ATXN10: variants seen among roughly 807,000 people sequenced by gnomAD.
ATXN10 encodes the protein ataxin-10.
Under a neutral mutation model 52.9 loss-of-function variants are expected in ATXN10, and 28 were observed. The ratio of observed to expected loss-of-function variants is 0.53; its 90% CI spans 0.39 to 0.73. ATXN10 has a LOEUF of 0.73. Among genes scored for constraint, ATXN10 ranks in the 30% least tolerant of loss-of-function variants. ATXN10 has a pLI of 0.00. For synonymous variants in ATXN10, 226 were observed against 221.5 expected (o/e 1.02, Z -0.18); for missense variants, 565 against 577.0 (o/e 0.98, Z 0.21).
At chr22:45,796,893 G>A (rs1432406917) in intron 9 of ATXN10, among the ~76,000 whole-genome samples, 2 of 152,136 alleles carry the variant, frequency 1.3e-5, no homozygotes, top group Non-Finnish European at 2.9e-5. Flanking sequence ...GTGAAAGAAT[G>A]ATATACCATG....
At chr22:45,724,167 C>T (rs1184176812) in intron 6 of ATXN10, among the ~76,000 whole-genome samples, 3 of 151,678 alleles carry the variant, frequency 2.0e-5, no homozygotes, top group African/African-American at 7.3e-5. Flanking sequence ...GGTGTCTTTT[C>T]CTTTGGGTAG....
rs142328160 is a variant in ATXN10, at chr22:45,780,241, G to A, written c.1174-26718G>A. ...TGGGATTACAGGCGTGTGCCACCACGCCCAGCTAATTTTTGTATTTTTAGT... is the reference window on the plus strand; with the variant it reads ...TGGGATTACAGGCGTGTGCCACCACACCCAGCTAATTTTTGTATTTTTAGT... On this transcript the variant is annotated intron_variant, in intron 9 of 11. Coordinates refer to ENST00000252934, the MANE Select transcript of ATXN10 (RefSeq NM_013236.4). The surrounding 1 kb of genome is among the most constrained non-coding windows in gnomAD (Gnocchi z 4.0). 3.6e-3 allele frequency among the ~76,000 whole-genome samples: 545 copies of A among 152,218 alleles called. 4 individuals carry two copies. The highest frequency in any genetic ancestry group is 0.013 in the African/African-American group (528 of 41,538).
chr22:45,751,427 T>TGA (rs3077250), intron 9 of ATXN10, among the ~76,000 whole-genome samples: 80,216 of 148,006 alleles, frequency 0.54, 22,431 homozygotes, highest in East Asian at 0.72. Flanking sequence ...TGTGTGTTTT[T>TGA]GAGAGAGAGA....
intron 9 of ATXN10, among the ~76,000 whole-genome samples, chr22:45,779,099 C>G (rs1434151964): frequency 1.3e-5 from 2 of 152,158 alleles, no homozygotes; most frequent in African/African-American, 4.8e-5. Context: ...TTCTCTGTGA[C>G]CAGATTCCCC....
At chr22:45,764,260 G>T (rs1247156921) in intron 9 of ATXN10, among the ~76,000 whole-genome samples, 1 of 151,716 alleles carries the variant, frequency 6.6e-6, no homozygotes, top group South Asian at 2.1e-4. Flanking sequence ...TCCCACTCAG[G>T]CAAGCCTTGT....
At chr22:45,767,423 AT>A (rs1342443879) in intron 9 of ATXN10, among the ~76,000 whole-genome samples, 2 of 151,308 alleles carry the variant, frequency 1.3e-5, no homozygotes, top group East Asian at 3.9e-4. Context: ...ACACATATGT[AT>A]ATAAATATAC....
chr22:45,831,828 C>T (rs1352292722), intron 10 of ATXN10, among the ~76,000 whole-genome samples: 2 of 152,212 alleles, frequency 1.3e-5, no homozygotes, highest in Non-Finnish European at 2.9e-5. Context: ...TGTGAAGTCA[C>T]GTGCCTGATA....
intron 6 of ATXN10, among the ~76,000 whole-genome samples, chr22:45,721,650 A>G (rs1924655584): frequency 6.6e-6 from 1 of 152,194 alleles, no homozygotes. Flanking sequence ...TACTGCTACT[A>G]TGCTGATGAC....
intron 9 of ATXN10, among the ~76,000 whole-genome samples, chr22:45,801,227 T>G (rs1927921501): frequency 6.6e-6 from 1 of 152,210 alleles, no homozygotes; most frequent in Non-Finnish European, 1.5e-5. Flanking sequence ...TGCGCAGAAA[T>G]GCAGATTCAT....
chr22:45,828,791 C>G lies in ATXN10; in HGVS notation c.1238-14200C>G, dbSNP rs889203693. Among the ~76,000 whole-genome samples the G allele has an allele frequency of 6.6e-6, 1 of 152,084 alleles. No individual in the cohort carries two copies. The highest frequency in any genetic ancestry group is 2.4e-5 in the African/African-American group (1 of 41,394). On this transcript the variant is annotated intron_variant, in intron 10 of 11. Transcript: ENST00000252934. This position sits in a 1 kb window ranked among gnomAD's most constrained non-coding sequence, Gnocchi z 4.5. ...CAATGAAAAATCTCACAAAGAAAAG[C>G]CCTAAACCTGATGCCTTCACTGGTG...
Position 45,843,616 on chromosome 22 carries a change from T to C in ATXN10, c.1426-53T>C. ...GTTTTTTCCCCTTTTGTCTGATGAATCTTGTGAACAGATTTGCTACATCTG... is the reference window on the plus strand; with the variant it reads ...GTTTTTTCCCCTTTTGTCTGATGAACCTTGTGAACAGATTTGCTACATCTG... On this transcript the variant is annotated intron_variant, in intron 11 of 11. Coordinates refer to ENST00000252934, the MANE Select transcript of ATXN10 (RefSeq NM_013236.4). The surrounding 1 kb of genome is among the most constrained non-coding windows in gnomAD (Gnocchi z 4.5). 6.3e-7 allele frequency: 1 copy of C among 1,592,296 alleles called. No individual in the cohort carries two copies. Among genetic ancestry groups the C allele is most frequent in the Non-Finnish European group, 8.6e-7 (1 of 1,162,024 alleles).
At chr22:45,803,431 T>G (rs1927992293) in intron 9 of ATXN10, among the ~76,000 whole-genome samples, 1 of 152,222 alleles carries the variant, frequency 6.6e-6, no homozygotes, top group Admixed American at 6.5e-5. Context: ...GCCACTTCTT[T>G]AGGGAGGCCT....
rs1927137503 is a variant in ATXN10, at chr22:45,781,190, G to A, written c.1174-25769G>A. 6.6e-6 allele frequency among the ~76,000 whole-genome samples: 1 copy of A among 152,206 alleles called. No individual in the cohort carries two copies. The highest frequency in any genetic ancestry group is 2.1e-4 in the South Asian group (1 of 4,828). Reference sequence around the variant, plus strand: ...AATGGCTGAATGGGGAGCCGAAACAGAAACCTTCCCCTGGTTATAATGAGG... The same window carrying A: ...AATGGCTGAATGGGGAGCCGAAACAAAAACCTTCCCCTGGTTATAATGAGG... On this transcript the variant is annotated intron_variant, in intron 9 of 11. Coordinates refer to ENST00000252934, the MANE Select transcript of ATXN10 (RefSeq NM_013236.4). This position sits in a 1 kb window ranked among gnomAD's most constrained non-coding sequence, Gnocchi z 4.2.
chr22:45,799,307 G>T (rs543892725), intron 9 of ATXN10, among the ~76,000 whole-genome samples: 1 of 152,272 alleles, frequency 6.6e-6, no homozygotes, highest in East Asian at 1.9e-4. Flanking sequence ...TAGAATAGCT[G>T]TTATGGGTTG....
At position 45,766,815 on chromosome 22, in the gene ATXN10, A is replaced by G. The variant is rs765277204; in HGVS notation, c.1173+26277A>G. The stretch of plus-strand genomic sequence containing the variant: ...TAATACAAAGAGTTTCCAAAAATAA[A>G]GGAAAAAACCAATAGCCCTACAGAA... On this transcript the variant is annotated intron_variant, in intron 9 of 11. Coordinates refer to ENST00000252934, the MANE Select transcript of ATXN10 (RefSeq NM_013236.4). The surrounding 1 kb of genome is among the most constrained non-coding windows in gnomAD (Gnocchi z 4.6). 2.0e-5 allele frequency among the ~76,000 whole-genome samples: 3 copies of G among 152,254 alleles called. No individual in the cohort carries two copies. Among genetic ancestry groups the G allele is most frequent in the Non-Finnish European group, 4.4e-5 (3 of 68,044 alleles).
chr22:45,725,806 CAT>C (rs1924846767), intron 6 of ATXN10, among the ~76,000 whole-genome samples: 1 of 152,112 alleles, frequency 6.6e-6, no homozygotes, highest in Non-Finnish European at 1.5e-5. Flanking sequence ...ATGGGTTTGT[CAT>C]GTGTGGCTTT....
In ATXN10 at chr22:45,823,527, A is replaced by G. The variant is rs982753638; in HGVS notation, c.1237+16505A>G. ...GCTCTGCAGGACCGCCTTGTCATAA[A>G]TCATTGTCCTACAGGCATGATTCTG... On this transcript the variant is annotated intron_variant, in intron 10 of 11. Transcript: ENST00000252934. The surrounding 1 kb of genome is among the most constrained non-coding windows in gnomAD (Gnocchi z 4.9). Among the ~76,000 whole-genome samples the G allele has an allele frequency of 1.6e-4, 24 of 152,128 alleles. No homozygotes were observed. The highest frequency in any genetic ancestry group is 5.2e-4 in the Admixed American group (8 of 15,274).
At chr22:45,704,497 G>A (rs1168433269) in intron 5 of ATXN10, among the ~76,000 whole-genome samples, 3 of 152,056 alleles carry the variant, frequency 2.0e-5, no homozygotes. Flanking sequence ...AGTTTTGGGT[G>A]TCGTTAGTTC....
chr22:45,731,229 C>T (rs1397903761), intron 7 of ATXN10, among the ~76,000 whole-genome samples: 6 of 152,194 alleles, frequency 3.9e-5, no homozygotes, highest in African/African-American at 1.2e-4. Flanking sequence ...AGAAGCCAGA[C>T]AGACTAGAAA....
Sources: gnomAD v4.1 joint callset for allele counts (sites outside exome capture counted in the v4.1 genomes callset) on GRCh38, gnomAD v4.1.1 for gene constraint, Gnocchi (gnomAD v3.1) non-coding constraint, MANE v1.5 for transcripts, NCBI Gene and HGNC (gene_info 2026-07-23, HGNC 2026-07-21) for gene names.